Variants in SETBP1 observed in about 807,000 individuals in gnomAD.
The protein encoded by SETBP1 is SET binding protein 1.
In SETBP1, 9 loss-of-function variants were observed where a neutral mutation model predicts 101.0. The observed-to-expected ratio is 0.09, with a 90% CI of 0.05 to 0.16. The LOEUF is 0.16. Among genes scored for constraint, SETBP1 ranks in the 10% least tolerant of loss-of-function variants. SETBP1 has a pLI of 1.00. For missense variants in SETBP1, 1,858 were observed against 2,033.8 expected, an observed-to-expected ratio of 0.91 and a Z score of 1.66; for synonymous variants, 818 against 788.5, an observed-to-expected ratio of 1.04 and a Z score of -0.63.
intron 2 of SETBP1, among the ~76,000 whole-genome samples, chr18:44,826,540 G>T (rs1424508754): frequency 2.0e-5 from 3 of 152,170 alleles, no homozygotes; most frequent in African/African-American, 7.2e-5. Flanking sequence ...AGAGTTGGGG[G>T]CATTATCAAT....
Position 45,030,315 on chromosome 18 carries a change from A to G in SETBP1, c.4001-8170A>G, listed in dbSNP as rs2073265868. 1.6e-5 allele frequency among the ~76,000 whole-genome samples: 2 copies of G among 125,294 alleles called. 1 individual carries two copies. The highest frequency in any genetic ancestry group is 6.3e-5 in the African/African-American group (2 of 31,888). The allele number at this position is 125,294 out of a possible 152,430, so 82.2% of individuals were successfully genotyped here. On this transcript the variant is annotated intron_variant, in intron 4 of 5. Coordinates refer to ENST00000649279, the MANE Select transcript of SETBP1 (RefSeq NM_015559.3). ...TCTGTTTATATGCTGGATTACATTT[A>G]TTGATTTGCGTATATTGAACCAGCC...
chr18:44,961,447 G>A (rs1242125263), intron 4 of SETBP1, among the ~76,000 whole-genome samples: 1 of 152,196 alleles, frequency 6.6e-6, no homozygotes, highest in Non-Finnish European at 1.5e-5. Flanking sequence ...AGTGGATGAT[G>A]AGAGAATGGG....
At chr18:44,900,028 G>A (rs1336442250) in intron 3 of SETBP1, among the ~76,000 whole-genome samples, 1 of 152,092 alleles carries the variant, frequency 6.6e-6, no homozygotes, top group Admixed American at 6.6e-5. Flanking sequence ...ATAATGAATG[G>A]GTGCATCTGT....
At chr18:44,734,520 T>C (rs2069918874) in intron 2 of SETBP1, among the ~76,000 whole-genome samples, 1 of 152,182 alleles carries the variant, frequency 6.6e-6, no homozygotes, top group South Asian at 2.1e-4. Context: ...ATTTAAAGAC[T>C]TATCTCTTAC....
chr18:44,731,279 G>A (rs1025172521), intron 2 of SETBP1, among the ~76,000 whole-genome samples: 4 of 152,174 alleles, frequency 2.6e-5, no homozygotes, highest in Admixed American at 2.6e-4. Context: ...TGTTGACTAA[G>A]CACAGTCACT....
intron 3 of SETBP1, among the ~76,000 whole-genome samples, chr18:44,932,968 C>T (rs529217748): frequency 1.3e-5 from 2 of 152,262 alleles, no homozygotes; most frequent in Non-Finnish European, 1.5e-5. Context: ...AAGTCATTCT[C>T]TCTCCGGCTT....
chr18:44,953,166 G>A lies in SETBP1; in HGVS notation c.3826G>A (p.Glu1276Lys), dbSNP rs1376093452. 4.3e-6 allele frequency: 7 copies of A among 1,613,996 alleles called. No homozygotes were observed. ...CGGGGATGGTGGCAGCACGAGATCA[G>A]AGAACCTGGACGTGTTCAGTGAAAT... Reference protein sequence around the residue: ...SGGDGGSTRSENLDVFSEMNP... With the variant: ...SGGDGGSTRSKNLDVFSEMNP... Residue 1276 changes from glutamate to lysine, a missense_variant, in exon 4 of 6, where the codon GAG becomes AAG. Glu to Lys is a moderately conservative substitution (Grantham distance 56, BLOSUM62 1). Coordinates refer to ENST00000649279, the MANE Select transcript of SETBP1 (RefSeq NM_015559.3).
At chr18:44,833,888 T>TA (rs1315495359) in intron 2 of SETBP1, among the ~76,000 whole-genome samples, 2 of 152,256 alleles carry the variant, frequency 1.3e-5, no homozygotes, top group African/African-American at 4.8e-5. Flanking sequence ...GTTAAACAAA[T>TA]ACCTGGTTTT....
At chr18:44,845,605 C>T (rs1054118431) in intron 2 of SETBP1, among the ~76,000 whole-genome samples, 1 of 152,216 alleles carries the variant, frequency 6.6e-6, no homozygotes, top group Admixed American at 6.5e-5. Flanking sequence ...ATCTGTTTGG[C>T]CCATTTCCAT....
At chr18:44,814,333 A>T (rs776996118) in intron 2 of SETBP1, among the ~76,000 whole-genome samples, 3 of 152,212 alleles carry the variant, frequency 2.0e-5, no homozygotes, top group Admixed American at 1.3e-4. Context: ...TGGGGTTAGG[A>T]GGAGTTTTGG....
chr18:44,849,552 G>A (rs1030781124), intron 2 of SETBP1, among the ~76,000 whole-genome samples: 7 of 152,170 alleles, frequency 4.6e-5, no homozygotes, highest in South Asian at 2.1e-4. Context: ...AGGTGGGTGC[G>A]GGGTGTGTCA....
At chr18:44,938,183 G>A (rs114956253) in intron 3 of SETBP1, among the ~76,000 whole-genome samples, 1 of 152,264 alleles carries the variant, frequency 6.6e-6, no homozygotes, top group South Asian at 2.1e-4. Flanking sequence ...CTGCTGTCTG[G>A]CCCCACAACC....
chr18:44,971,204 CTCA>C (rs1054040045), intron 4 of SETBP1, among the ~76,000 whole-genome samples: 1 of 152,184 alleles, frequency 6.6e-6, no homozygotes, highest in Admixed American at 6.5e-5. Context: ...AGGACACGAA[CTCA>C]TCATTTTTTA....
intron 1 of SETBP1, among the ~76,000 whole-genome samples, chr18:44,699,377 G>A (rs999349263): frequency 1.3e-5 from 2 of 152,212 alleles, no homozygotes; most frequent in African/African-American, 4.8e-5. Flanking sequence ...AACAGCTGGG[G>A]TGGTGCCTGA....
chr18:44,938,326 T>C (rs1003440288), intron 3 of SETBP1, among the ~76,000 whole-genome samples: 5 of 152,254 alleles, frequency 3.3e-5, no homozygotes, highest in African/African-American at 9.6e-5. Context: ...AACTTCCTGA[T>C]TGAGGTTCTG....
intron 3 of SETBP1, among the ~76,000 whole-genome samples, chr18:44,916,877 C>G (rs1032855988): frequency 1.3e-5 from 2 of 152,172 alleles, no homozygotes; most frequent in African/African-American, 4.8e-5. Context: ...TGAGGGATAA[C>G]ATAAATGAAA....
At chr18:44,764,119 T>G (rs2070715350) in intron 2 of SETBP1, among the ~76,000 whole-genome samples, 1 of 152,232 alleles carries the variant, frequency 6.6e-6, no homozygotes. Flanking sequence ...CCCCATTTCA[T>G]TTTGTGCAAA....
At chr18:44,925,673 T>C (rs1327574698) in intron 3 of SETBP1, among the ~76,000 whole-genome samples, 2 of 152,246 alleles carry the variant, frequency 1.3e-5, no homozygotes, top group Middle Eastern at 3.2e-3. Flanking sequence ...ATGCTGATTT[T>C]ACAGGGAGTA....
rs2073006196 is a variant in SETBP1, at chr18:44,857,714, A to G, written c.487-11516A>G. The stretch of plus-strand genomic sequence containing the variant: ...TAGAGAGCTATCCCCCAACTGAATC[A>G]GCCAGAAATTCTGGACAGGTTTGGC... On this transcript the variant is annotated intron_variant, in intron 2 of 5. Coordinates refer to ENST00000649279, the MANE Select transcript of SETBP1 (RefSeq NM_015559.3). Among the ~76,000 whole-genome samples, 8 of 152,298 alleles carry G rather than the reference A, an allele frequency of 5.3e-5. No homozygotes were observed. In the South Asian group the frequency reaches 1.7e-3, roughly 32 times the overall value.
Sources: allele counts gnomAD v4.1 joint callset (sites outside exome capture counted in the v4.1 genomes callset), GRCh38; gene constraint gnomAD v4.1.1; transcripts MANE v1.5; gene names NCBI Gene and HGNC (gene_info 2026-07-23, HGNC 2026-07-21).